The following ALG12 variants were observed in gnomAD, a reference collection of about 807,000 sequenced individuals.
ALG12 encodes ALG12 alpha-1,6-mannosyltransferase.
ALG12 carries 36 observed loss-of-function variants against 46.0 expected under a neutral mutation model. That is an observed-to-expected ratio of 0.78 (90% CI 0.60 to 1.03). The LOEUF (loss-of-function observed/expected upper bound fraction) is 1.03. Among genes scored for constraint, ALG12 ranks in the 50% least tolerant of loss-of-function variants. ALG12 has a pLI of 0.00. For synonymous variants in ALG12, 326 were observed against 291.6 expected (o/e 1.12, Z -1.20); for missense variants, 599 against 633.5 (o/e 0.95, Z 0.58).
the ALG12 span, among the ~76,000 whole-genome samples, chr22:49,861,669 T>G: frequency 3.9e-5 from 6 of 152,244 alleles, no homozygotes; most frequent in East Asian, 1.2e-3. Flanking sequence ...ACTCTTGGGC[T>G]CAAACGATTT....
chr22:49,859,431 G>A, the ALG12 span, among the ~76,000 whole-genome samples: 1 of 152,068 alleles, frequency 6.6e-6, no homozygotes, highest in East Asian at 1.9e-4. Flanking sequence ...TTCCAAGCTG[G>A]CCCCTGTGTC....
chr22:49,870,516 A>C, the ALG12 span, among the ~76,000 whole-genome samples: 1 of 151,784 alleles, frequency 6.6e-6, no homozygotes, highest in African/African-American at 2.4e-5. Flanking sequence ...AATAAAAGCC[A>C]TTGTGACGGG....
At chr22:49,892,463 C>T in the ALG12 span, among the ~76,000 whole-genome samples, 1 of 152,186 alleles carries the variant, frequency 6.6e-6, no homozygotes, top group African/African-American at 2.4e-5. Flanking sequence ...GAGAAGTGGC[C>T]GAATTCCCAG....
At chr22:49,887,802 C>T in the ALG12 span, 2 of 167,252 alleles carry the variant, frequency 1.2e-5, no homozygotes, top group African/African-American at 4.8e-5. Flanking sequence ...AGAACTTTCC[C>T]ATTTCAGGTT....
the ALG12 span, among the ~76,000 whole-genome samples, chr22:49,875,943 T>C: frequency 1.3e-5 from 1 of 77,982 alleles, no homozygotes; most frequent in Non-Finnish European, 4.1e-5. Flanking sequence ...TGATTTTTTT[T>C]CTTTTTTTTT....
chr22:49,915,797 C>T (rs1247191413), intron 1 of ALG12, among the ~76,000 whole-genome samples: 1 of 152,176 alleles, frequency 6.6e-6, no homozygotes, highest in African/African-American at 2.4e-5. Context: ...AAGGCTGCCT[C>T]GCTGCCACCT....
chr22:49,897,491 T>C (rs893364474), downstream of ALG12, among the ~76,000 whole-genome samples: 5 of 152,192 alleles, frequency 3.3e-5, no homozygotes, highest in African/African-American at 1.2e-4. Flanking sequence ...GCACTTGGCA[T>C]TATCCATTTT....
the ALG12 span, chr22:49,883,691 A>G: frequency 2.5e-6 from 4 of 1,595,328 alleles, no homozygotes; most frequent in African/African-American, 2.7e-5. Flanking sequence ...ACTTGTCCCA[A>G]AGAGGACGGT....
At chr22:49,913,281 C>G (rs2060589961) in intron 3 of ALG12, 104 bp downstream of exon 3, 1 of 1,561,262 alleles carries the variant, frequency 6.4e-7, no homozygotes. Flanking sequence ...GCAGGCAAGA[C>G]TAACAGACAG....
chr22:49,878,319 A>G, the ALG12 span, among the ~76,000 whole-genome samples: 5 of 151,192 alleles, frequency 3.3e-5, no homozygotes, highest in African/African-American at 7.3e-5. Context: ...AAAAAAAAAA[A>G]GTCTTCATAC....
the ALG12 span, among the ~76,000 whole-genome samples, chr22:49,892,749 CACCTTTCTGCTA>C: frequency 6.6e-6 from 1 of 152,186 alleles, no homozygotes; most frequent in African/African-American, 2.4e-5. Context: ...CGATCTGCCT[CACCTTTCTGCTA>C]GAGGAAAACT....
At chr22:49,904,564 A>G (rs1370420775) in intron 7 of ALG12, 58 bp from the exon 8 acceptor site, 1 of 1,587,164 alleles carries the variant, frequency 6.3e-7, no homozygotes, top group African/African-American at 1.3e-5. Flanking sequence ...AAATTAATCT[A>G]CCTACAAAAC....
chr22:49,908,212 C>T (rs1313750698), intron 6 of ALG12, among the ~76,000 whole-genome samples: 1 of 152,182 alleles, frequency 6.6e-6, no homozygotes, highest in African/African-American at 2.4e-5. Flanking sequence ...CGTTCGGTCT[C>T]TGTACCCTTT....
intron 1 of ALG12, among the ~76,000 whole-genome samples, chr22:49,916,236 G>C (rs1045617597): frequency 6.6e-6 from 1 of 151,928 alleles, no homozygotes; most frequent in African/African-American, 2.4e-5. Flanking sequence ...CTGGGCGACA[G>C]AGCAAGACTC....
the ALG12 span, chr22:49,885,189 C>T: frequency 8.7e-6 from 14 of 1,613,684 alleles, no homozygotes; most frequent in African/African-American, 1.3e-5. Context: ...CAGAAGTTGT[C>T]GGGAGCCAGA....
Position 49,901,109 on chromosome 22 carries a change from A to C in ALG12, c.*2729T>G, listed in dbSNP as rs2060502484. On this transcript the variant is annotated 3_prime_UTR_variant, in exon 10 of 10. Transcript: ENST00000330817. ...TACACTTTGAACACCAGGATAATTA[A>C]AGACAGGAGTGACTCACAGACCACT... is the stretch of plus-strand genomic sequence containing the variant. 6.6e-6 allele frequency: 1 copy of C among 152,254 alleles called. No individual in the cohort carries two copies. The highest frequency in any genetic ancestry group is 6.5e-5 in the Admixed American group (1 of 15,286). The allele number at this position is 152,254 out of a possible 1,614,324, so 9.4% of individuals were successfully genotyped here. A position where few individuals can be genotyped will look rare whatever the true frequency, so the allele number is the denominator to read the frequency against.
chr22:49,896,353 A>G (rs182005784), downstream of ALG12, among the ~76,000 whole-genome samples: 1,260 of 152,298 alleles, frequency 8.3e-3, 14 homozygotes, highest in South Asian at 0.068. Flanking sequence ...GTTCGGCTGG[A>G]GTGGGTCCTG....
chr22:49,910,089 C>A lies in ALG12; in HGVS notation c.470-1G>T. The A allele has an allele frequency of 6.2e-7, 1 of 1,604,952 alleles. No homozygotes were observed. Among genetic ancestry groups the A allele is most frequent in the Non-Finnish European group, 8.5e-7 (1 of 1,176,410 alleles). ...AGCCAGGCCGCGAGGGCCAGCAGGA[C>A]TGCAAGACAGTGCGGGAGGGTGCTC... On this transcript the variant is annotated splice_acceptor_variant, in intron 4 of 9. Coordinates refer to ENST00000330817, the MANE Select transcript of ALG12 (RefSeq NM_024105.4). LOFTEE classifies it high-confidence loss of function.
At chr22:49,873,900 T>C in the ALG12 span, among the ~76,000 whole-genome samples, 3 of 152,120 alleles carry the variant, frequency 2.0e-5, no homozygotes, top group Admixed American at 2.0e-4. Flanking sequence ...AATGAGAACA[T>C]AAGGGCTGGG....
Sources: allele counts gnomAD v4.1 joint callset (sites outside exome capture counted in the v4.1 genomes callset), GRCh38; gene constraint gnomAD v4.1.1; transcripts MANE v1.5; gene names NCBI Gene and HGNC (gene_info 2026-07-23, HGNC 2026-07-21).